Variants in GFOD1 observed in about 807,000 individuals in gnomAD.
GFOD1 encodes the protein Gfo/Idh/MocA-like oxidoreductase domain containing 1.
Under a neutral mutation model 25.4 loss-of-function variants are expected in GFOD1, and 9 were observed. The ratio of observed to expected loss-of-function variants is 0.35; its 90% CI spans 0.21 to 0.62. The LOEUF (loss-of-function observed/expected upper bound fraction) is 0.62. Among genes scored for constraint, GFOD1 ranks in the 20% least tolerant of loss-of-function variants. The pLI, the probability that GFOD1 is intolerant of heterozygous loss-of-function variation, is 0.72. For synonymous variants in GFOD1, 253 were observed against 245.6 expected (o/e 1.03, Z -0.28); for missense variants, 403 against 556.9 (o/e 0.72, Z 2.78).
intron 1 of GFOD1, among the ~76,000 whole-genome samples, chr6:13,374,273 T>TTTTG (rs1554199406): frequency 6.4e-4 from 86 of 134,414 alleles, no homozygotes; most frequent in African/African-American, 2.3e-3. Context: ...TGTTTTTTTT[T>TTTTG]TGTGTGTGTG....
chr6:13,475,650 G>A (rs147919002), intron 1 of GFOD1, among the ~76,000 whole-genome samples: 4,126 of 151,342 alleles, frequency 0.027, 179 homozygotes, highest in African/African-American at 0.095. Flanking sequence ...CCCTGAAGGC[G>A]GCAGCTGGAG....
intron 1 of GFOD1, among the ~76,000 whole-genome samples, chr6:13,446,641 A>C (rs1483528854): frequency 6.6e-6 from 1 of 152,158 alleles, no homozygotes; most frequent in Admixed American, 6.5e-5. Flanking sequence ...GCAGCGAATC[A>C]CACGTGTAGG....
intron 1 of GFOD1, among the ~76,000 whole-genome samples, chr6:13,428,781 A>T (rs1757694480): frequency 6.6e-6 from 1 of 152,112 alleles, no homozygotes; most frequent in South Asian, 2.1e-4. Flanking sequence ...CAAACACCAC[A>T]GCCCGGCTGT....
At chr6:13,432,251 G>T (rs1415050814) in intron 1 of GFOD1, among the ~76,000 whole-genome samples, 3 of 150,204 alleles carry the variant, frequency 2.0e-5, no homozygotes, top group Non-Finnish European at 3.0e-5. Flanking sequence ...TTTGAGATGG[G>T]GGCCCAGGCT....
chr6:13,477,904 A>C (rs1758662124), intron 1 of GFOD1, among the ~76,000 whole-genome samples: 1 of 151,930 alleles, frequency 6.6e-6, no homozygotes, highest in Non-Finnish European at 1.5e-5. Context: ...TCTCTATCAA[A>C]AATACAAAAA....
At chr6:13,393,738 A>C (rs1181926918) in intron 1 of GFOD1, among the ~76,000 whole-genome samples, 1 of 152,096 alleles carries the variant, frequency 6.6e-6, no homozygotes, top group South Asian at 2.1e-4. Flanking sequence ...GGACTCTACA[A>C]AATAGTACAT....
chr6:13,389,316 A>G (rs887896304), intron 1 of GFOD1, among the ~76,000 whole-genome samples: 1 of 152,222 alleles, frequency 6.6e-6, no homozygotes, highest in Non-Finnish European at 1.5e-5. Flanking sequence ...ATGCACACAT[A>G]TGTTTATTGC....
chr6:13,468,385 T>C (rs1476200974), intron 1 of GFOD1, among the ~76,000 whole-genome samples: 1 of 152,250 alleles, frequency 6.6e-6, no homozygotes, highest in Non-Finnish European at 1.5e-5. Flanking sequence ...ACTGTTCTCC[T>C]ACTGTGGAAC....
intron 1 of GFOD1, among the ~76,000 whole-genome samples, chr6:13,409,261 A>G (rs2127565542): frequency 1.1e-5 from 1 of 90,832 alleles, no homozygotes. Flanking sequence ...AAAGAGAGAG[A>G]GAGAGGGAAA....
Position 13,486,848 on chromosome 6 carries a change from G to A in GFOD1, c.43C>T (p.Arg15Cys). 1 of 1,612,996 alleles carries A rather than the reference G, an allele frequency of 6.2e-7. No homozygotes were observed. Among genetic ancestry groups the A allele is most frequent in the Non-Finnish European group, 8.5e-7 (1 of 1,179,996 alleles). ...TCTTTCAGCAGCGGGATGATGACAC[G>A]GGCCGTGAGGCTGGTGCCGAACACG... is the stretch of plus-strand genomic sequence containing the variant. ...VGVFGTSLTA[R>C]VIIPLLKDEG... The change falls in exon 1 of 2, where the codon CGT becomes TGT. Residue 15 changes from arginine to cysteine, a missense_variant. By Grantham distance (180) the Arg-to-Cys change is radical. Transcript: ENST00000379287.
chr6:13,415,065 G>C (rs779080794), intron 1 of GFOD1, among the ~76,000 whole-genome samples: 1 of 152,174 alleles, frequency 6.6e-6, no homozygotes, highest in Non-Finnish European at 1.5e-5. Context: ...GCTAGCAGCA[G>C]GGCACAAGCC....
chr6:13,450,685 G>T lies in GFOD1; in HGVS notation c.253+35953C>A, dbSNP rs111376801. On this transcript the variant is annotated intron_variant, in intron 1 of 1. Coordinates refer to ENST00000379287, the MANE Select transcript of GFOD1 (RefSeq NM_018988.4). ...CACCCAGGGACCTTATCGTGGGGCT[G>T]CTGATGTAGGCAGCCTCTGCCTACC... is the stretch of plus-strand genomic sequence containing the variant. 1.5e-3 allele frequency among the ~76,000 whole-genome samples: 226 copies of T among 152,326 alleles called. 1 individual carries two copies. The highest frequency in any genetic ancestry group is 2.7e-3 in the Non-Finnish European group (187 of 68,028).
chr6:13,428,786 G>A (rs965194454), intron 1 of GFOD1, among the ~76,000 whole-genome samples: 3 of 152,100 alleles, frequency 2.0e-5, no homozygotes, highest in Non-Finnish European at 2.9e-5. Flanking sequence ...ACCACAGCCC[G>A]GCTGTGAGCT....
At chr6:13,464,440 C>T (rs758413825) in intron 1 of GFOD1, among the ~76,000 whole-genome samples, 1 of 152,178 alleles carries the variant, frequency 6.6e-6, no homozygotes, top group Non-Finnish European at 1.5e-5. Context: ...CATTCTTGCT[C>T]CCTAGGACCA....
chr6:13,381,908 C>CGT (rs1785369255), intron 1 of GFOD1, among the ~76,000 whole-genome samples: 1 of 95,562 alleles, frequency 1.0e-5, no homozygotes, highest in Middle Eastern at 5.1e-3. Flanking sequence ...AACACACACG[C>CGT]GCGCGCGCAC....
At position 13,365,712 on chromosome 6, in the gene GFOD1, C is replaced by T; in HGVS notation, c.254-50G>A. 7.8e-7 allele frequency: 1 copy of T among 1,277,674 alleles called. No homozygotes were observed. Among genetic ancestry groups the T allele is most frequent in the Middle Eastern group, 1.9e-4 (1 of 5,302 alleles). The allele number at this position is 1,277,674 out of a possible 1,614,324, so 79.1% of individuals were successfully genotyped here. On this transcript the variant is annotated intron_variant, in intron 1 of 1. Coordinates refer to ENST00000379287, the MANE Select transcript of GFOD1 (RefSeq NM_018988.4). The surrounding 1 kb of genome is among the most constrained non-coding windows in gnomAD (Gnocchi z 9.2). ...TCAGCGGGGCAGGACCATGTCCGAG[C>T]GCGCGTCCCTGGGTCAGATCTTAAA... is the stretch of plus-strand genomic sequence containing the variant.
chr6:13,468,838 C>G (rs1447405334), intron 1 of GFOD1, among the ~76,000 whole-genome samples: 1 of 152,040 alleles, frequency 6.6e-6, no homozygotes, highest in Non-Finnish European at 1.5e-5. Context: ...CTTTTCACAT[C>G]AGCTGCTTGG....
chr6:13,469,691 A>C, intron 1 of GFOD1: 1 of 1,174,644 alleles, frequency 8.5e-7, no homozygotes, highest in African/African-American at 1.6e-5. Context: ...ACCAAGAAAG[A>C]AAAGCCCTTT....
intron 1 of GFOD1, among the ~76,000 whole-genome samples, chr6:13,390,829 A>AAG (rs1329717291): frequency 6.6e-6 from 1 of 151,648 alleles, no homozygotes; most frequent in South Asian, 2.1e-4. Context: ...GGAAGGAAGG[A>AAG]TAATAACAGT....
Sources: gnomAD v4.1 joint callset for allele counts (sites outside exome capture counted in the v4.1 genomes callset) on GRCh38, gnomAD v4.1.1 for gene constraint, Gnocchi (gnomAD v3.1) non-coding constraint, MANE v1.5 for transcripts, NCBI Gene and HGNC (gene_info 2026-07-23, HGNC 2026-07-21) for gene names.